Variants in ELAVL2 observed in about 807,000 individuals in gnomAD.
ELAVL2 encodes the protein ELAV like RNA binding protein 2.
Under a neutral mutation model 34.6 loss-of-function variants are expected in ELAVL2, and 4 were observed. The observed-to-expected ratio is 0.12, with a 90% CI of 0.06 to 0.26. The LOEUF (loss-of-function observed/expected upper bound fraction) is 0.26, where lower values mean the gene tolerates loss of function less well. Ranked by LOEUF, ELAVL2 falls within the 10% of genes least tolerant of loss-of-function variation. The pLI is 1.00. For synonymous variants in ELAVL2, 193 were observed against 154.8 expected, an observed-to-expected ratio of 1.25 and a Z score of -1.83; for missense variants, 432 against 442.8, an observed-to-expected ratio of 0.98 and a Z score of 0.22.
chr9:23,837,753 C>T, the ELAVL2 span, among the ~76,000 whole-genome samples: 1 of 152,144 alleles, frequency 6.6e-6, no homozygotes, highest in East Asian at 1.9e-4. Flanking sequence ...ACAAAAGCCT[C>T]TAGAAAACAG....
chr9:23,723,134 C>A (rs534899305), intron 3 of ELAVL2, among the ~76,000 whole-genome samples: 1 of 152,026 alleles, frequency 6.6e-6, no homozygotes, highest in Non-Finnish European at 1.5e-5. Flanking sequence ...ATGTTTATTG[C>A]GGCACTATTC....
At chr9:23,787,138 G>C (rs2059789010) in intron 1 of ELAVL2, among the ~76,000 whole-genome samples, 1 of 152,132 alleles carries the variant, frequency 6.6e-6, no homozygotes, top group Non-Finnish European at 1.5e-5. Context: ...CAACATTGTT[G>C]GACAGGGTAG....
intron 1 of ELAVL2, among the ~76,000 whole-genome samples, chr9:23,814,497 T>C (rs377144165): frequency 2.0e-5 from 3 of 152,148 alleles, no homozygotes; most frequent in Non-Finnish European, 4.4e-5. Flanking sequence ...AGGGAAGAGA[T>C]GAAAGTCAAA....
chr9:23,752,948 T>C (rs1418496702), intron 2 of ELAVL2, among the ~76,000 whole-genome samples: 7 of 152,178 alleles, frequency 4.6e-5, no homozygotes, highest in Admixed American at 2.0e-4. Flanking sequence ...AATCTGTTTC[T>C]TCACAACACT....
At chr9:23,843,973 C>G in the ELAVL2 span, among the ~76,000 whole-genome samples, 1 of 152,018 alleles carries the variant, frequency 6.6e-6, no homozygotes, top group Non-Finnish European at 1.5e-5. Flanking sequence ...CTTGTTCTCT[C>G]TCATCATAAG....
At chr9:23,766,948 T>TA (rs2056398864) in intron 1 of ELAVL2, among the ~76,000 whole-genome samples, 2 of 152,260 alleles carry the variant, frequency 1.3e-5, no homozygotes, top group East Asian at 1.9e-4. Flanking sequence ...TTTTAAGGCT[T>TA]AAAAAAATAA....
At position 23,768,303 on chromosome 9, in the gene ELAVL2, G is replaced by T. The variant is rs545291802; in HGVS notation, c.-15-6054C>A. On this transcript the variant is annotated intron_variant, in intron 1 of 6. Coordinates refer to ENST00000397312, the MANE Select transcript of ELAVL2 (RefSeq NM_004432.5). ...ATGCAGTCCCATCTCCCTTATTCAAGGCTCCATCCAAACCCACCCCATCTC... is the reference window on the plus strand; with the variant it reads ...ATGCAGTCCCATCTCCCTTATTCAATGCTCCATCCAAACCCACCCCATCTC... 3.2e-4 allele frequency among the ~76,000 whole-genome samples: 49 copies of T among 152,090 alleles called. 1 individual carries two copies. The South Asian group carries it at 0.01, about 32-fold the overall frequency.
chr9:23,779,466 G>C (rs1403462118), intron 1 of ELAVL2: 1 of 955,880 alleles, frequency 1.0e-6, no homozygotes, highest in Non-Finnish European at 1.2e-6. Context: ...GAGTGGGTGG[G>C]CGGGCTTCCT....
At chr9:23,726,765 C>T (rs1011258638) in intron 3 of ELAVL2, among the ~76,000 whole-genome samples, 2 of 152,014 alleles carry the variant, frequency 1.3e-5, no homozygotes, top group Admixed American at 6.6e-5. Flanking sequence ...GTTAACCTAA[C>T]AAGTCAAAAG....
intron 2 of ELAVL2, among the ~76,000 whole-genome samples, chr9:23,738,337 T>C (rs3793578): frequency 0.054 from 8,157 of 152,314 alleles, 353 homozygotes; most frequent in East Asian, 0.22. Context: ...TCCTCAAATG[T>C]AGCATGCCAG....
intron 1 of ELAVL2, among the ~76,000 whole-genome samples, chr9:23,805,137 G>T (rs2062047557): frequency 6.6e-6 from 1 of 152,004 alleles, no homozygotes; most frequent in African/African-American, 2.4e-5. Context: ...CACCTAATAG[G>T]AAATATAAAA....
At chr9:23,830,657 A>C (rs367873674), upstream of ELAVL2, among the ~76,000 whole-genome samples, 16 of 117,190 alleles carry the variant, frequency 1.4e-4, no homozygotes, top group African/African-American at 4.8e-4. Context: ...CCAATGTATG[A>C]GGTTCATTCT....
intron 1 of ELAVL2, among the ~76,000 whole-genome samples, chr9:23,769,228 C>T (rs568241967): frequency 6.6e-6 from 1 of 152,186 alleles, no homozygotes; most frequent in African/African-American, 2.4e-5. Context: ...AAAAACAAAA[C>T]CAGGCATCAC....
intron 1 of ELAVL2, among the ~76,000 whole-genome samples, chr9:23,788,347 C>T (rs1179686507): frequency 1.3e-5 from 2 of 152,116 alleles, no homozygotes; most frequent in Non-Finnish European, 2.9e-5. Context: ...AGAAAATAAT[C>T]CTATCATCTC....
intron 2 of ELAVL2, among the ~76,000 whole-genome samples, chr9:23,757,360 C>T (rs2135830185): frequency 6.6e-6 from 1 of 152,092 alleles, no homozygotes; most frequent in South Asian, 2.1e-4. Flanking sequence ...AGGAAACATC[C>T]AGGTAAAGCA....
At chr9:23,790,803 G>C (rs1728256) in intron 1 of ELAVL2, among the ~76,000 whole-genome samples, 2 of 151,868 alleles carry the variant, frequency 1.3e-5, no homozygotes, top group Non-Finnish European at 2.9e-5. Flanking sequence ...TGCTCTGGAC[G>C]AGCACACAGA....
chr9:23,705,108 C>T (rs2038870192), intron 3 of ELAVL2, 37 bp from the exon 4 acceptor site: 1 of 1,610,602 alleles, frequency 6.2e-7, no homozygotes, highest in Non-Finnish European at 8.5e-7. Flanking sequence ...TATATGCATG[C>T]TCACTCACCC....
the ELAVL2 span, among the ~76,000 whole-genome samples, chr9:23,837,068 G>A: frequency 6.6e-6 from 1 of 152,180 alleles, no homozygotes; most frequent in African/African-American, 2.4e-5. Context: ...TATAGAAGAA[G>A]AGTTCATGAC....
chr9:23,741,281 G>A (rs1040881641), intron 2 of ELAVL2, among the ~76,000 whole-genome samples: 2 of 152,040 alleles, frequency 1.3e-5, no homozygotes, highest in African/African-American at 4.8e-5. Context: ...TAAGCAAACC[G>A]ACCCCCCATC....
Sources: gnomAD v4.1 joint callset for allele counts (sites outside exome capture counted in the v4.1 genomes callset) on GRCh38, gnomAD v4.1.1 for gene constraint, MANE v1.5 for transcripts, NCBI Gene and HGNC (gene_info 2026-07-23, HGNC 2026-07-21) for gene names.